KCNH1: variants seen among roughly 807,000 people sequenced by gnomAD.
The protein encoded by KCNH1 is voltage-gated delayed rectifier potassium channel KCNH1.
KCNH1 carries 27 observed loss-of-function variants against 69.2 expected under a neutral mutation model. The ratio of observed to expected loss-of-function variants is 0.39; its 90% CI spans 0.29 to 0.54. The LOEUF is 0.54. Among genes scored for constraint, KCNH1 ranks in the 20% least tolerant of loss-of-function variants. The pLI, the probability that KCNH1 is intolerant of heterozygous loss-of-function variation, is 0.68. For synonymous variants in KCNH1, 456 were observed against 487.7 expected, an observed-to-expected ratio of 0.93 and a Z score of 0.86; for missense variants, 798 against 1,261.6, an observed-to-expected ratio of 0.63 and a Z score of 5.57.
At chr1:210,853,791 C>T (rs151072995) in intron 7 of KCNH1, among the ~76,000 whole-genome samples, 1 of 152,014 alleles carries the variant, frequency 6.6e-6, no homozygotes, top group East Asian at 1.9e-4. Flanking sequence ...TAAATTCTGC[C>T]GACAGACCCA....
intron 10 of KCNH1, among the ~76,000 whole-genome samples, chr1:210,749,438 C>A (rs1190001373): frequency 1.3e-5 from 2 of 152,156 alleles, no homozygotes; most frequent in Non-Finnish European, 1.5e-5. Flanking sequence ...ACCCACAGGG[C>A]CCTAGTGGTA....
At chr1:210,922,421 A>C (rs1244278921) in intron 6 of KCNH1, among the ~76,000 whole-genome samples, 1 of 149,064 alleles carries the variant, frequency 6.7e-6, no homozygotes, top group South Asian at 2.1e-4. Flanking sequence ...AAAAAAAAAA[A>C]CCTGACAAGT....
intron 4 of KCNH1, among the ~76,000 whole-genome samples, chr1:211,088,944 T>A (rs1264816270): frequency 6.6e-6 from 1 of 152,166 alleles, no homozygotes; most frequent in Admixed American, 6.6e-5. Flanking sequence ...TCTCACTACA[T>A]CACTCTGATT....
intron 7 of KCNH1, chr1:210,862,176 G>C (rs544422594): frequency 4.2e-5 from 56 of 1,348,942 alleles, no homozygotes; most frequent in Admixed American, 1.7e-4. Flanking sequence ...GCAGCGTTGA[G>C]ACAAAATTCA....
rs73067453 is a variant in KCNH1, at chr1:210,703,394, T to C, written c.2113-19256A>G. Among the ~76,000 whole-genome samples, 673 of 152,320 alleles carry C rather than the reference T, an allele frequency of 4.4e-3. 7 individuals are homozygous for C. The highest frequency in any genetic ancestry group is 0.015 in the African/African-American group (638 of 41,582). ...GAAGTCTCACCCCACACTTTGATAA[T>C]AGGATGTGGGGAAACAAGCCTTCTC... On this transcript the variant is annotated intron_variant, in intron 10 of 10. Transcript: ENST00000271751.
At chr1:210,816,574 G>A (rs1210585466) in intron 7 of KCNH1, among the ~76,000 whole-genome samples, 1 of 152,202 alleles carries the variant, frequency 6.6e-6, no homozygotes, top group African/African-American at 2.4e-5. Flanking sequence ...ATTGCAAAGA[G>A]ACAACCATTT....
intron 7 of KCNH1, among the ~76,000 whole-genome samples, chr1:210,834,722 T>C (rs1024035608): frequency 8.0e-5 from 12 of 150,100 alleles, no homozygotes; most frequent in Non-Finnish European, 1.6e-4. Flanking sequence ...CCCACTGTGA[T>C]GTGTGATGGT....
At chr1:210,976,105 G>C (rs910276644) in intron 6 of KCNH1, among the ~76,000 whole-genome samples, 5 of 152,120 alleles carry the variant, frequency 3.3e-5, no homozygotes, top group African/African-American at 7.2e-5. Context: ...GAAACAACAG[G>C]TGCTGGAGAG....
chr1:210,852,829 T>C (rs1574296743), intron 7 of KCNH1, among the ~76,000 whole-genome samples: 1 of 152,202 alleles, frequency 6.6e-6, no homozygotes, highest in East Asian at 1.9e-4. Context: ...TTCTTAGATA[T>C]CCCATTAAGA....
chr1:211,064,313 C>T (rs1401488905), intron 5 of KCNH1, among the ~76,000 whole-genome samples: 2 of 152,188 alleles, frequency 1.3e-5, no homozygotes, highest in Admixed American at 6.5e-5. Context: ...GCAATCCCAA[C>T]ACTTTGGGAG....
At chr1:210,872,253 A>G (rs1251650757) in intron 7 of KCNH1, among the ~76,000 whole-genome samples, 1 of 151,984 alleles carries the variant, frequency 6.6e-6, no homozygotes, top group Admixed American at 6.6e-5. Context: ...TATGATGACA[A>G]TAATGATGAT....
In KCNH1 at chr1:211,133,561, A is replaced by G. The variant is rs938988234; in HGVS notation, c.79+306T>C. On this transcript the variant is annotated intron_variant, in intron 1 of 10. Transcript: ENST00000271751. This position sits in a 1 kb window ranked among gnomAD's most constrained non-coding sequence, Gnocchi z 5.4. ...CCGCTCCGGCTGCAGCCAGCTTTCC[A>G]TCACTTTTCCCAGTACTTTGCTCAG... Among the ~76,000 whole-genome samples, 1 of 152,086 alleles carries G rather than the reference A, an allele frequency of 6.6e-6. No homozygotes were observed. The highest frequency in any genetic ancestry group is 1.5e-5 in the Non-Finnish European group (1 of 68,020).
At chr1:210,835,499 C>T (rs763391586) in intron 7 of KCNH1, among the ~76,000 whole-genome samples, 13 of 152,090 alleles carry the variant, frequency 8.5e-5, no homozygotes, top group Non-Finnish European at 1.5e-4. Flanking sequence ...GAGCCTCTAC[C>T]ACTAGGTGCA....
chr1:210,848,231 A>G (rs1230577576), intron 7 of KCNH1, among the ~76,000 whole-genome samples: 1 of 152,232 alleles, frequency 6.6e-6, no homozygotes, highest in Non-Finnish European at 1.5e-5. Flanking sequence ...TATTCAACAT[A>G]CCATATCTCT....
chr1:211,064,784 A>T (rs1041108538), intron 5 of KCNH1, among the ~76,000 whole-genome samples: 2 of 152,184 alleles, frequency 1.3e-5, no homozygotes, highest in Non-Finnish European at 2.9e-5. Flanking sequence ...CTCAAAACTG[A>T]ATAGTAAGAC....
intron 9 of KCNH1, among the ~76,000 whole-genome samples, chr1:210,797,079 T>C (rs2102399721): frequency 6.6e-6 from 1 of 151,420 alleles, no homozygotes; most frequent in East Asian, 1.9e-4. Flanking sequence ...AGTTTCTCCC[T>C]CTGAAAGGAT....
At chr1:210,832,297 A>T (rs1574283354) in intron 7 of KCNH1, among the ~76,000 whole-genome samples, 1 of 152,138 alleles carries the variant, frequency 6.6e-6, no homozygotes, top group South Asian at 2.1e-4. Context: ...CTCTTCTTAG[A>T]CCTAACCTAG....
intron 6 of KCNH1, among the ~76,000 whole-genome samples, chr1:211,017,898 C>G (rs1486884902): frequency 6.6e-6 from 1 of 152,100 alleles, no homozygotes; most frequent in Non-Finnish European, 1.5e-5. Flanking sequence ...GAAATAGGGC[C>G]TAATGGGAGG....
chr1:211,094,058 AG>A (rs1400716083), intron 3 of KCNH1, among the ~76,000 whole-genome samples: 1 of 152,226 alleles, frequency 6.6e-6, no homozygotes, highest in Non-Finnish European at 1.5e-5. Flanking sequence ...TCATAAAAGT[AG>A]TATCTTATCC....
Sources: gnomAD v4.1 joint callset for allele counts (sites outside exome capture counted in the v4.1 genomes callset) on GRCh38, gnomAD v4.1.1 for gene constraint, Gnocchi (gnomAD v3.1) non-coding constraint, MANE v1.5 for transcripts, NCBI Gene and HGNC (gene_info 2026-07-23, HGNC 2026-07-21) for gene names.